The following IL4I1 variants were observed in gnomAD, a reference collection of about 807,000 sequenced individuals.
IL4I1 encodes L-amino-acid oxidase.
Under a neutral mutation model 29.7 loss-of-function variants are expected in IL4I1, and 24 were observed. That is an observed-to-expected ratio of 0.81 (90% CI 0.59 to 1.14). IL4I1 has a LOEUF of 1.14. Among genes scored for constraint, IL4I1 ranks in the 50% most tolerant of loss-of-function variants. The probability of loss-of-function intolerance (pLI) is 0.00; values close to 1 mark genes in which losing one functional copy is unlikely to be tolerated. For missense variants in IL4I1, 686 were observed against 785.6 expected (o/e 0.87, Z 1.52); for synonymous variants, 371 against 352.5 (o/e 1.05, Z -0.59).
At chr19:49,903,669 C>T (rs900436987) in intron 3 of IL4I1, among the ~76,000 whole-genome samples, 1 of 152,086 alleles carries the variant, frequency 6.6e-6, no homozygotes, top group African/African-American at 2.4e-5. Context: ...CTGAGTCATA[C>T]CAGGTCATAA....
intron 1 of IL4I1, chr19:49,928,206 C>T (rs1024696774): frequency 1.3e-5 from 2 of 152,154 alleles, no homozygotes; most frequent in African/African-American, 4.8e-5. Context: ...GAGACTGGGC[C>T]CCAGAGTTCC....
rs935597116 is a variant in IL4I1 at position 49,890,281 on chromosome 19, G to A, written c.1093C>T (p.Arg365Cys). Residue 365 changes from arginine to cysteine, a missense_variant, in exon 8 of 8, where the codon CGC becomes TGC. Coordinates refer to ENST00000391826, the MANE Select transcript of IL4I1 (RefSeq NM_152899.2). ...TGGCCGCCTTCAATGTGCTCCTCGC[G>A]CCAGAAGGGCCTGCGGAAGCTTAGG... ...VFLSFRRPFW[R>C]EEHIEGGHSN... The A allele has an allele frequency of 6.3e-6, 10 of 1,595,146 alleles. No individual in the cohort carries two copies. The highest frequency in any genetic ancestry group is 3.4e-5 in the South Asian group (3 of 88,716).
Position 49,914,726 on chromosome 19 carries a change from G to GTTTTTTTTTTTTTTTTTTTTTT in IL4I1, c.-227-10427_-227-10406dup, listed in dbSNP as rs530372497. Among the ~76,000 whole-genome samples the GTTTTTTTTTTTTTTTTTTTTTT allele has an allele frequency of 3.5e-5, 2 of 56,404 alleles. 1 individual carries two copies. The highest frequency in any genetic ancestry group is 1.3e-4 in the African/African-American group (2 of 15,452). 37.0% of individuals were successfully genotyped at this position (56,404 alleles called of 152,430 possible). On this transcript the variant is annotated intron_variant, in intron 2 of 9. Coordinates refer to the IL4I1 transcript ENST00000341114. ...GATTCTTGTGCCACTCCAAGTCCCA[G>GTTTTTTTTTTTTTTTTTTTTTT]TTTTTTTTTTTTTTTTTTTTTTTTT... is the stretch of plus-strand genomic sequence containing the variant.
chr19:49,908,360 T>C (rs1425611937), intron 2 of IL4I1: 2 of 1,614,154 alleles, frequency 1.2e-6, no homozygotes, highest in Non-Finnish European at 1.7e-6. Context: ...CTGCAGTGAG[T>C]CCATGTGCGC....
At chr19:49,893,985 CAA>C (rs996597872) in intron 5 of IL4I1, among the ~76,000 whole-genome samples, 8 of 19,670 alleles carry the variant, frequency 4.1e-4, no homozygotes, top group African/African-American at 1.4e-3. Flanking sequence ...GACTCCATCT[CAA>C]AAAAAAAAAA....
At position 49,894,250 on chromosome 19, in the gene IL4I1, G is replaced by T. The variant is rs764391807; in HGVS notation, c.567+18C>A. The T allele has an allele frequency of 1.2e-6, 2 of 1,608,038 alleles. No homozygotes were observed. Among genetic ancestry groups the T allele is most frequent in the South Asian group, 2.2e-5 (2 of 90,144 alleles). On this transcript the variant is annotated intron_variant, in intron 5 of 7. Transcript: ENST00000391826. ...GACAGAGAAGTCAGGGCGGGAGGAGGGTGCAGGCGGTACCCACCTGGTTGA... is the reference window on the plus strand; with the variant it reads ...GACAGAGAAGTCAGGGCGGGAGGAGTGTGCAGGCGGTACCCACCTGGTTGA...
At chr19:49,918,895 T>TGGGG (rs56129490) in intron 2 of IL4I1, among the ~76,000 whole-genome samples, 44 of 72,310 alleles carry the variant, frequency 6.1e-4, no homozygotes, top group South Asian at 3.5e-3. Context: ...TTTGGGAGGC[T>TGGGG]GGGGGGGGGG....
At position 49,923,574 on chromosome 19, in the gene IL4I1, C is replaced by T. The variant is rs549585234; in HGVS notation, c.-228+4120G>A. On this transcript the variant is annotated intron_variant, in intron 2 of 9. Coordinates refer to the IL4I1 transcript ENST00000341114. ...CACAGACCCGGGCTCTGGCAGCCGCCGGCTTCACTGATGCCATCTCCACAG... is the reference window on the plus strand; with the variant it reads ...CACAGACCCGGGCTCTGGCAGCCGCTGGCTTCACTGATGCCATCTCCACAG... 4.6e-5 allele frequency among the ~76,000 whole-genome samples: 7 copies of T among 152,350 alleles called. No individual in the cohort carries two copies. In the East Asian group the frequency reaches 1.3e-3, roughly 29 times the overall value.
intron 2 of IL4I1, among the ~76,000 whole-genome samples, chr19:49,914,726 G>GCT (rs2075575319): frequency 1.8e-5 from 1 of 56,362 alleles, no homozygotes; most frequent in African/African-American, 6.5e-5. Flanking sequence ...CCAAGTCCCA[G>GCT]TTTTTTTTTT....
chr19:49,919,844 C>G (rs2075721580), intron 2 of IL4I1, among the ~76,000 whole-genome samples: 1 of 152,114 alleles, frequency 6.6e-6, no homozygotes, highest in African/African-American at 2.4e-5. Context: ...ACTCTGGTGC[C>G]AAGGCTTCTT....
chr19:49,913,738 G>A (rs1211142214), intron 2 of IL4I1, among the ~76,000 whole-genome samples: 3 of 152,184 alleles, frequency 2.0e-5, no homozygotes, highest in Non-Finnish European at 4.4e-5. Flanking sequence ...AAGCTTTGCT[G>A]AGCTCTGTGA....
At chr19:49,911,603 C>T (rs921408059) in intron 2 of IL4I1, among the ~76,000 whole-genome samples, 7 of 152,150 alleles carry the variant, frequency 4.6e-5, no homozygotes, top group African/African-American at 1.2e-4. Flanking sequence ...AGTTTTGTTT[C>T]GTCTGCTCCT....
At chr19:49,897,124 C>T (rs529696399), upstream of IL4I1, among the ~76,000 whole-genome samples, 8 of 152,284 alleles carry the variant, frequency 5.3e-5, no homozygotes, top group South Asian at 4.1e-4. Context: ...CTCAGGTAAC[C>T]GTGCCAACAA....
At chr19:49,894,516 G>C in intron 4 of IL4I1, 47 bp from the exon 5 acceptor site, 1 of 1,551,022 alleles carries the variant, frequency 6.4e-7, no homozygotes, top group Non-Finnish European at 8.9e-7. Flanking sequence ...AGTGGGGGTG[G>C]CCTGGTCCCT....
At chr19:49,923,002 ACCACTAAG>A (rs2075800453) in intron 2 of IL4I1, among the ~76,000 whole-genome samples, 1 of 152,022 alleles carries the variant, frequency 6.6e-6, no homozygotes, top group African/African-American at 2.4e-5. Context: ...CTTGTCCCAG[ACCACTAAG>A]CGGTGAGTGA....
chr19:49,915,129 G>A (rs2075591164), intron 2 of IL4I1, among the ~76,000 whole-genome samples: 1 of 152,100 alleles, frequency 6.6e-6, no homozygotes, highest in Non-Finnish European at 1.5e-5. Flanking sequence ...AGGAAAGGAA[G>A]AATTAGGAAG....
intron 2 of IL4I1, among the ~76,000 whole-genome samples, chr19:49,926,855 CTTTTTTTT>C (rs57084948): frequency 1.6e-5 from 2 of 125,642 alleles, no homozygotes; most frequent in Non-Finnish European, 3.4e-5. Flanking sequence ...GAAGTAGGTA[CTTTTTTTT>C]TTTTTTTTTT....
At chr19:49,924,894 C>G (rs1423733384) in intron 2 of IL4I1, among the ~76,000 whole-genome samples, 1 of 152,172 alleles carries the variant, frequency 6.6e-6, no homozygotes, top group African/African-American at 2.4e-5. Context: ...AGTCCCTGCC[C>G]AGACACCTCT....
intron 2 of IL4I1, among the ~76,000 whole-genome samples, chr19:49,911,783 A>G (rs2075469997): frequency 6.6e-6 from 1 of 152,224 alleles, no homozygotes; most frequent in Non-Finnish European, 1.5e-5. Flanking sequence ...CGGGGCTGGG[A>G]TGCTGTGGCC....
Sources: gnomAD v4.1 joint callset for allele counts (sites outside exome capture counted in the v4.1 genomes callset) on GRCh38, gnomAD v4.1.1 for gene constraint, MANE v1.5 for transcripts, NCBI Gene and HGNC (gene_info 2026-07-23, HGNC 2026-07-21) for gene names.